Variants in TTC21B observed in about 807,000 individuals in gnomAD.
The protein encoded by TTC21B is tetratricopeptide repeat domain 21B.
TTC21B carries 127 observed loss-of-function variants against 175.1 expected under a neutral mutation model. That is an observed-to-expected ratio of 0.73 (90% confidence interval 0.63 to 0.84). TTC21B has a LOEUF of 0.84. TTC21B is among the 40% of genes least tolerant of loss of function. The pLI is 0.00. For missense variants in TTC21B, 1,561 were observed against 1,558.3 expected (o/e 1.00, Z -0.03); for synonymous variants, 524 against 524.5 (o/e 1.00, Z 0.01).
chr2:165,946,279 C>A (rs1687559048), intron 3 of TTC21B, among the ~76,000 whole-genome samples: 1 of 151,722 alleles, frequency 6.6e-6, no homozygotes, highest in Non-Finnish European at 1.5e-5. Flanking sequence ...GCGGAGCTTG[C>A]AGTGAGCAGA....
chr2:165,952,181 C>G (rs1197200810), intron 1 of TTC21B, among the ~76,000 whole-genome samples: 2 of 152,180 alleles, frequency 1.3e-5, no homozygotes, highest in African/African-American at 4.8e-5. Flanking sequence ...TGGGCCATAT[C>G]TGGCTGGCTG....
Position 165,874,771 on chromosome 2 carries a change from G to A in TTC21B, c.3935C>T (p.Ala1312Val), listed in dbSNP as rs967544495. Residue 1312 changes from alanine (A) to valine (V), a missense_variant, in exon 29 of 29, where the codon GCG (alanine) becomes GTG (valine). Physicochemically the swap from Ala to Val is moderately conservative, Grantham distance 64. Coordinates refer to ENST00000243344, the MANE Select transcript of TTC21B (RefSeq NM_024753.5). ...AAATTATTTTCAAGGTCTTAAAGAC[G>A]CACGGGCCTTATCAAGTATATCCTT... Reference protein sequence around the residue: ...IRKDILDKARASLRP With the variant: ...IRKDILDKARVSLRP 20 of 1,613,504 alleles carry A rather than the reference G, an allele frequency of 1.2e-5. No homozygotes were observed. The highest frequency in any genetic ancestry group is 1.7e-4 in the Middle Eastern group (1 of 6,052).
In TTC21B at chr2:165,927,048, A is replaced by AGT. The variant is rs1686668636; in HGVS notation, c.1386+2086_1386+2087insAC. On this transcript the variant is annotated intron_variant, in intron 11 of 28. Transcript: ENST00000243344. Reference sequence around the variant, plus strand: ...AGTAGTTATATATATATATATGTGTATATATATATATCCTAGTAGATATAT... The same window carrying AGT: ...AGTAGTTATATATATATATATGTGTAGTTATATATATATCCTAGTAGATATAT... 1.6e-4 allele frequency among the ~76,000 whole-genome samples: 4 copies of AGT among 24,466 alleles called. 1 individual carries two copies. The highest frequency in any genetic ancestry group is 1.2e-3 in the East Asian group (1 of 868). The allele number at this position is 24,466 out of a possible 152,430, so 16.1% of individuals were successfully genotyped here.
intron 25 of TTC21B, 136 bp from the exon 26 acceptor site, chr2:165,884,154 CA>C (rs2105284967): frequency 1.3e-6 from 1 of 762,496 alleles, no homozygotes; most frequent in East Asian, 2.7e-5. Flanking sequence ...ACTGTGATTA[CA>C]GGTCATTATT....
intron 12 of TTC21B, 88 bp downstream of exon 12, chr2:165,924,461 T>C: frequency 7.8e-7 from 1 of 1,280,448 alleles, no homozygotes; most frequent in Admixed American, 2.0e-5. Context: ...GTGACTATTC[T>C]CTATATATAC....
At chr2:165,922,697 T>C (rs190608321) in intron 12 of TTC21B, among the ~76,000 whole-genome samples, 5 of 151,230 alleles carry the variant, frequency 3.3e-5, no homozygotes, top group African/African-American at 1.2e-4. Context: ...GAACTAAAAG[T>C]AGATTTACCA....
At chr2:165,909,483 T>C (rs896381398) in intron 18 of TTC21B, among the ~76,000 whole-genome samples, 3 of 152,000 alleles carry the variant, frequency 2.0e-5, no homozygotes, top group African/African-American at 2.4e-5. Context: ...ACATGAACAT[T>C]AGGTAAAGGA....
intron 9 of TTC21B, 60 bp downstream of exon 9, chr2:165,930,112 G>T (rs1034195993): frequency 1.5e-5 from 23 of 1,520,162 alleles, no homozygotes; most frequent in East Asian, 2.3e-5. Context: ...CTAATGGCAA[G>T]TTAAAAGCAA....
At chr2:165,947,899 TCA>T (rs1687638712) in intron 3 of TTC21B, 1 of 152,210 alleles carries the variant, frequency 6.6e-6, no homozygotes, top group East Asian at 1.9e-4. Flanking sequence ...GTCCTGCAAA[TCA>T]CAGTGTCCAA....
intron 27 of TTC21B, among the ~76,000 whole-genome samples, chr2:165,876,851 G>A (rs891256642): frequency 1.3e-5 from 2 of 152,278 alleles, no homozygotes; most frequent in Middle Eastern, 3.4e-3. Flanking sequence ...CTCAGACAGA[G>A]GAAACTGCAT....
At chr2:165,937,306 T>C (rs6745589) in intron 6 of TTC21B, among the ~76,000 whole-genome samples, 2,805 of 152,200 alleles carry the variant, frequency 0.018, 125 homozygotes, top group Admixed American at 0.1. Flanking sequence ...ATATAGCGGA[T>C]ACACAATAAA....
In TTC21B at chr2:165,901,798, G is replaced by A; in HGVS notation, c.2681C>T (p.Ser894Phe). 1 of 1,614,078 alleles carries A rather than the reference G, an allele frequency of 6.2e-7. No individual in the cohort carries two copies. Among genetic ancestry groups the A allele is most frequent in the Non-Finnish European group, 8.5e-7 (1 of 1,179,994 alleles). ...AEICAEIAKH[S>F]VAQRDYEKAI... ...TTTTTCATAGTCTCGCTGAGCAACAGAATGTTTTGCAATCTCTGCACAAAT... is the reference window on the plus strand; with the variant it reads ...TTTTTCATAGTCTCGCTGAGCAACAAAATGTTTTGCAATCTCTGCACAAAT... The change falls in exon 20 of 29, where the codon TCT becomes TTT. Residue 894 changes from serine to phenylalanine, a missense_variant. Ser to Phe is a radical substitution (Grantham distance 155, BLOSUM62 -2). Coordinates refer to ENST00000243344, the MANE Select transcript of TTC21B (RefSeq NM_024753.5).
Position 165,874,509 on chromosome 2 carries a change from C to T in TTC21B, c.*246G>A, listed in dbSNP as rs759810831. On this transcript the variant is annotated 3_prime_UTR_variant, in exon 29 of 29. Transcript: ENST00000243344. ...TTTATAGAAATAATTATAGTCTTTA[C>T]CACAGAGTCACCAAATCTGTACCCA... The T allele has an allele frequency of 5.8e-5, 25 of 428,078 alleles. No individual in the cohort carries two copies. The highest frequency in any genetic ancestry group is 1.1e-4 in the Non-Finnish European group (25 of 234,030). The allele number at this position is 428,078 out of a possible 1,614,324, so 26.5% of individuals were successfully genotyped here.
At position 165,890,982 on chromosome 2, in the gene TTC21B, T is replaced by C. The variant is rs1386637325; in HGVS notation, c.2957A>G (p.Tyr986Cys). 6.2e-7 allele frequency: 1 copy of C among 1,611,110 alleles called. No individual in the cohort carries two copies. Among genetic ancestry groups the C allele is most frequent in the Admixed American group, 1.7e-5 (1 of 59,974 alleles). ...ATCAATCAAACGAGATAATGTCATA[T>C]AATTATCTAGAAACAAATAATACTT... ...QQLLERKPDNYMTLSRLIDLL... is the reference protein window; with the variant it reads ...QQLLERKPDNCMTLSRLIDLL... Residue 986 changes from tyrosine (Y) to cysteine (C), a missense_variant, in exon 23 of 29, where the codon TAT becomes TGT. Tyr to Cys is a radical substitution (Grantham distance 194, BLOSUM62 -2). Transcript: ENST00000243344.
At chr2:165,937,016 T>G (rs1378132370) in intron 6 of TTC21B, among the ~76,000 whole-genome samples, 1 of 152,078 alleles carries the variant, frequency 6.6e-6, no homozygotes, top group African/African-American at 2.4e-5. Flanking sequence ...AGTAGCTTTA[T>G]TCATAAATGC....
chr2:165,919,194 C>T, intron 13 of TTC21B, 82 bp downstream of exon 13: 8 of 1,525,286 alleles, frequency 5.2e-6, no homozygotes, highest in East Asian at 2.3e-5. Flanking sequence ...CAAAATACTA[C>T]AGGCTAAAAC....
intron 23 of TTC21B, 45 bp from the exon 24 acceptor site, chr2:165,890,685 C>T: frequency 1.9e-6 from 3 of 1,588,128 alleles, no homozygotes; most frequent in Non-Finnish European, 2.6e-6. Context: ...TCACTGACTA[C>T]AAAATTTATA....
intron 26 of TTC21B, among the ~76,000 whole-genome samples, chr2:165,881,651 T>C (rs890187694): frequency 2.6e-5 from 4 of 152,166 alleles, no homozygotes; most frequent in African/African-American, 9.6e-5. Context: ...TGTAGAGGTT[T>C]GGATTCAATT....
chr2:165,874,874 A>C (rs1215931233), intron 28 of TTC21B, 42 bp from the exon 29 acceptor site: 4 of 1,550,588 alleles, frequency 2.6e-6, no homozygotes, highest in Admixed American at 1.7e-5. Flanking sequence ...TGTAACTAAT[A>C]ATCAAAAACT....
Sources: allele counts gnomAD v4.1 joint callset (sites outside exome capture counted in the v4.1 genomes callset), GRCh38; gene constraint gnomAD v4.1.1; transcripts MANE v1.5; gene names NCBI Gene and HGNC (gene_info 2026-07-23, HGNC 2026-07-21).